Variants in EPS8 observed in about 807,000 individuals in gnomAD.
The protein encoded by EPS8 is EGFR pathway substrate 8, signaling adaptor.
Under a neutral mutation model 103.8 loss-of-function variants are expected in EPS8, and 42 were observed. That is an observed-to-expected ratio of 0.40 (90% confidence interval 0.32 to 0.52). The LOEUF (loss-of-function observed/expected upper bound fraction) is 0.52, where lower values mean the gene tolerates loss of function less well. EPS8 is among the 20% of genes least tolerant of loss of function. The pLI, the probability that EPS8 is intolerant of heterozygous loss-of-function variation, is 0.40. For synonymous variants in EPS8, 344 were observed against 344.6 expected, an observed-to-expected ratio of 1.00 and a Z score of 0.02; for missense variants, 969 against 1,005.1, an observed-to-expected ratio of 0.96 and a Z score of 0.49.
chr12:15,630,657 G>T (rs1399190146), intron 18 of EPS8, among the ~76,000 whole-genome samples: 2 of 152,186 alleles, frequency 1.3e-5, no homozygotes, highest in African/African-American at 2.4e-5. Flanking sequence ...TATTAACATA[G>T]TGTGATTGTG....
chr12:15,699,929 G>A (rs1298905909), intron 1 of EPS8, among the ~76,000 whole-genome samples: 2 of 152,168 alleles, frequency 1.3e-5, no homozygotes, highest in Non-Finnish European at 2.9e-5. Context: ...GCTAAAGTGG[G>A]CAGATCATGA....
Position 15,640,937 on chromosome 12 carries a change from T to C in EPS8, c.1678-91A>G, listed in dbSNP as rs1591811528. On this transcript the variant is annotated intron_variant, in intron 16 of 20. Coordinates refer to ENST00000281172, the MANE Select transcript of EPS8 (RefSeq NM_004447.6). ...TAGACTTCAACAAAGAAAATTTTTC[T>C]ACTTCTGATAATTAACTCAGCATCA... The C allele has an allele frequency of 1.0e-5, 11 of 1,079,302 alleles. No individual in the cohort carries two copies. The East Asian group carries it at 2.6e-4, about 26-fold the overall frequency. The allele number at this position is 1,079,302 out of a possible 1,614,324, so 66.9% of individuals were successfully genotyped here.
At chr12:15,766,833 G>A (rs1242992109) in intron 1 of EPS8, among the ~76,000 whole-genome samples, 2 of 152,066 alleles carry the variant, frequency 1.3e-5, no homozygotes, top group Admixed American at 6.5e-5. Context: ...TGTCTAACTC[G>A]ATTCTTTGAA....
At chr12:15,646,553 C>G (rs1469065635) in intron 15 of EPS8, among the ~76,000 whole-genome samples, 2 of 151,956 alleles carry the variant, frequency 1.3e-5, no homozygotes, top group East Asian at 3.9e-4. Context: ...TCTTCTCATC[C>G]CAATTCTCCA....
intron 1 of EPS8, among the ~76,000 whole-genome samples, chr12:15,692,914 T>C (rs957431829): frequency 6.6e-6 from 1 of 152,230 alleles, no homozygotes; most frequent in African/African-American, 2.4e-5. Flanking sequence ...CTGATCTTTC[T>C]GAGAATATCC....
intron 3 of EPS8, among the ~76,000 whole-genome samples, chr12:15,671,200 A>T (rs979491068): frequency 1.3e-5 from 2 of 152,088 alleles, no homozygotes; most frequent in Admixed American, 6.6e-5. Flanking sequence ...AAAAAAAGTT[A>T]TTTCATCTAA....
intron 3 of EPS8, among the ~76,000 whole-genome samples, chr12:15,679,037 T>A (rs1001331816): frequency 1.3e-5 from 2 of 152,176 alleles, no homozygotes; most frequent in Non-Finnish European, 2.9e-5. Context: ...TATTCTTATT[T>A]CTTTCTTAGC....
chr12:15,730,714 A>T (rs1043633366), intron 1 of EPS8, among the ~76,000 whole-genome samples: 4 of 152,164 alleles, frequency 2.6e-5, no homozygotes, highest in Non-Finnish European at 5.9e-5. Flanking sequence ...ACCTATTAGG[A>T]CCACTATACA....
rs1947055972 is a variant in EPS8, at chr12:15,762,851, A to T, written c.-22+26310T>A. On this transcript the variant is annotated intron_variant, in intron 1 of 20. Coordinates refer to ENST00000281172, the MANE Select transcript of EPS8 (RefSeq NM_004447.6). The surrounding 1 kb of genome is among the most constrained non-coding windows in gnomAD (Gnocchi z 4.8). ...ATAAGACCTAGTATTTGATAGCACA[A>T]CAGGGTGACTATAGTCAATAATAAT... Among the ~76,000 whole-genome samples, 1 of 152,160 alleles carries T rather than the reference A, an allele frequency of 6.6e-6. No homozygotes were observed. The highest frequency in any genetic ancestry group is 6.5e-5 in the Admixed American group (1 of 15,270).
rs917904875 is a variant in EPS8 at position 15,789,314 on chromosome 12, G to A, written c.-175C>T. 22 of 152,350 alleles carry A rather than the reference G, an allele frequency of 1.4e-4. No individual in the cohort carries two copies. Among genetic ancestry groups the A allele is most frequent in the African/African-American group, 5.3e-4 (22 of 41,584 alleles). The allele number at this position is 152,350 out of a possible 1,614,324, so 9.4% of individuals were successfully genotyped here. Reference sequence around the variant, plus strand: ...GCCTTCTGCACCCAGCTAAAGAGCAGCGATCTCCGAGGCGAGCACAGCGCC... The same window carrying A: ...GCCTTCTGCACCCAGCTAAAGAGCAACGATCTCCGAGGCGAGCACAGCGCC... On this transcript the variant is annotated 5_prime_UTR_variant, in exon 1 of 21. Transcript: ENST00000281172. The surrounding 1 kb of genome is among the most constrained non-coding windows in gnomAD (Gnocchi z 6.1).
chr12:15,636,442 C>T (rs1340316467), intron 17 of EPS8, among the ~76,000 whole-genome samples: 2 of 152,144 alleles, frequency 1.3e-5, no homozygotes, highest in Non-Finnish European at 2.9e-5. Flanking sequence ...CTTTACAGAG[C>T]TGTTAAAAAT....
At chr12:15,631,844 A>G (rs1482813830) in intron 17 of EPS8, 180 bp from the exon 18 acceptor site, 4 of 538,148 alleles carry the variant, frequency 7.4e-6, no homozygotes, top group African/African-American at 3.8e-5. Context: ...TAAACATTCT[A>G]CATAATTTGT....
chr12:15,640,091 T>C (rs1945202801), intron 17 of EPS8, among the ~76,000 whole-genome samples: 1 of 152,228 alleles, frequency 6.6e-6, no homozygotes, highest in South Asian at 2.1e-4. Flanking sequence ...AAATGTGGCA[T>C]GGGCCATAAG....
At position 15,684,630 on chromosome 12, in the gene EPS8, C is replaced by A. The variant is rs533814580; in HGVS notation, c.-21-1658G>T. Among the ~76,000 whole-genome samples the A allele has an allele frequency of 6.6e-5, 10 of 152,276 alleles. No homozygotes were observed. Among genetic ancestry groups the A allele is most frequent in the African/African-American group, 2.4e-4 (10 of 41,554 alleles). On this transcript the variant is annotated intron_variant, in intron 1 of 20. Transcript: ENST00000281172. The surrounding 1 kb of genome is among the most constrained non-coding windows in gnomAD (Gnocchi z 4.9). Reference sequence around the variant, plus strand: ...CAAATAGTAAGGAATTAAGTCCCAACATATGTAGCTCTATTTTAAATCTGC... The same window carrying A: ...CAAATAGTAAGGAATTAAGTCCCAAAATATGTAGCTCTATTTTAAATCTGC...
intron 1 of EPS8, among the ~76,000 whole-genome samples, chr12:15,743,485 A>T (rs1946845282): frequency 6.6e-6 from 1 of 152,220 alleles, no homozygotes; most frequent in African/African-American, 2.4e-5. Flanking sequence ...ACAAAGCTGG[A>T]GGCTCACGCT....
In EPS8 at chr12:15,725,299, T is replaced by C. The variant is rs917228128; in HGVS notation, c.-21-42327A>G. On this transcript the variant is annotated intron_variant, in intron 1 of 20. Transcript: ENST00000281172. This position sits in a 1 kb window ranked among gnomAD's most constrained non-coding sequence, Gnocchi z 4.5. Reference sequence around the variant, plus strand: ...AACTGTGTATCACCTGAAATCACCCTCAAGAGATCTCCGGAAAAGTCATGT... The same window carrying C: ...AACTGTGTATCACCTGAAATCACCCCCAAGAGATCTCCGGAAAAGTCATGT... Among the ~76,000 whole-genome samples the C allele has an allele frequency of 2.0e-5, 3 of 151,918 alleles. No individual in the cohort carries two copies. Among genetic ancestry groups the C allele is most frequent in the Non-Finnish European group, 2.9e-5 (2 of 67,982 alleles).
At chr12:15,715,842 C>T (rs1946527361) in intron 1 of EPS8, among the ~76,000 whole-genome samples, 1 of 151,700 alleles carries the variant, frequency 6.6e-6, no homozygotes, top group African/African-American at 2.4e-5. Context: ...ATCTCAAAAT[C>T]TGCTTTCTGG....
rs117700555 is a variant in EPS8 at position 15,762,350 on chromosome 12, T to C, written c.-22+26811A>G. On this transcript the variant is annotated intron_variant, in intron 1 of 20. Transcript: ENST00000281172. This position sits in a 1 kb window ranked among gnomAD's most constrained non-coding sequence, Gnocchi z 4.8. Reference sequence around the variant, plus strand: ...CACTGTTGGTGGCGATGTAAATTACTGCAACCGCTATGCAGAACAGTTTGG... The same window carrying C: ...CACTGTTGGTGGCGATGTAAATTACCGCAACCGCTATGCAGAACAGTTTGG... Among the ~76,000 whole-genome samples the C allele has an allele frequency of 1.1e-3, 170 of 152,348 alleles. 2 individuals carry two copies. The East Asian group carries it at 0.03, about 27-fold the overall frequency.
At chr12:15,647,850 C>T in intron 14 of EPS8, among the ~76,000 whole-genome samples, 1 of 152,146 alleles carries the variant, frequency 6.6e-6, no homozygotes, top group East Asian at 1.9e-4. Flanking sequence ...GCAGCAATCC[C>T]CAACCTTTTT....
Sources: allele counts gnomAD v4.1 joint callset (sites outside exome capture counted in the v4.1 genomes callset), GRCh38; gene constraint gnomAD v4.1.1; non-coding constraint Gnocchi (gnomAD v3.1); transcripts MANE v1.5; gene names NCBI Gene and HGNC (gene_info 2026-07-23, HGNC 2026-07-21).